Variants in KCTD8 observed in about 807,000 individuals in gnomAD.
The protein encoded by KCTD8 is BTB/POZ domain-containing protein KCTD8.
In KCTD8, 27 loss-of-function variants were observed where a neutral mutation model predicts 31.5. The observed-to-expected ratio is 0.86, with a 90% CI of 0.63 to 1.18. KCTD8 has a LOEUF of 1.18. Among genes scored for constraint, KCTD8 ranks in the 50% most tolerant of loss-of-function variants. KCTD8 has a pLI of 0.00. For missense variants in KCTD8, 658 were observed against 647.7 expected, an observed-to-expected ratio of 1.02 and a Z score of -0.17; for synonymous variants, 290 against 280.0, an observed-to-expected ratio of 1.04 and a Z score of -0.36.
At chr4:44,348,470 A>C (rs1312016006) in intron 1 of KCTD8, among the ~76,000 whole-genome samples, 1 of 152,170 alleles carries the variant, frequency 6.6e-6, no homozygotes, top group Non-Finnish European at 1.5e-5. Context: ...AGAATCTCAA[A>C]GAAAGATGCA....
At chr4:44,369,271 G>T (rs932472721) in intron 1 of KCTD8, among the ~76,000 whole-genome samples, 1 of 152,010 alleles carries the variant, frequency 6.6e-6, no homozygotes, top group Non-Finnish European at 1.5e-5. Context: ...TCATGGTTAG[G>T]GTTCTAGAAA....
intron 1 of KCTD8, among the ~76,000 whole-genome samples, chr4:44,420,907 G>C (rs921858965): frequency 1.3e-5 from 2 of 151,910 alleles, no homozygotes; most frequent in Admixed American, 6.6e-5. Flanking sequence ...GTTTAAAATA[G>C]AGTAGGGTTA....
At chr4:44,224,938 C>A (rs1714912395) in intron 1 of KCTD8, among the ~76,000 whole-genome samples, 1 of 152,132 alleles carries the variant, frequency 6.6e-6, no homozygotes, top group African/African-American at 2.4e-5. Context: ...AAGGAGGTCA[C>A]ACTCATTGCT....
chr4:44,228,248 C>T (rs1276749073), intron 1 of KCTD8, among the ~76,000 whole-genome samples: 4 of 152,168 alleles, frequency 2.6e-5, no homozygotes, highest in African/African-American at 7.2e-5. Context: ...TCTGAGGCTT[C>T]TCTCCTTGGC....
rs143865396 is a variant in KCTD8, at chr4:44,363,565, C to A, written c.961+83998G>T. On this transcript the variant is annotated intron_variant, in intron 1 of 1. Transcript: ENST00000360029. ...TAGAAAATAGAATTTCTCCTCTAGG[C>A]ACATTTGTAATTTTGCACCAACTTG... 2.3e-3 allele frequency among the ~76,000 whole-genome samples: 353 copies of A among 152,248 alleles called. 1 individual carries two copies. Among genetic ancestry groups the A allele is most frequent in the Middle Eastern group, 3.4e-3 (1 of 294 alleles).
intron 1 of KCTD8, among the ~76,000 whole-genome samples, chr4:44,441,217 G>T (rs1162057878): frequency 6.7e-6 from 1 of 149,618 alleles, no homozygotes; most frequent in Admixed American, 6.7e-5. Flanking sequence ...AACCTCTGGT[G>T]GTGCAGACTC....
rs1333327018 is a variant in KCTD8 at position 44,224,732 on chromosome 4, C to T, written c.962-49482G>A. Among the ~76,000 whole-genome samples, 3 of 152,154 alleles carry T rather than the reference C, an allele frequency of 2.0e-5. No individual in the cohort carries two copies. The East Asian group carries it at 5.8e-4, about 29-fold the overall frequency. Reference sequence around the variant, plus strand: ...ATATAATAAAAATATATTTCTTGTCCACATAATAGTTCATTGCAGCTACTC... The same window carrying T: ...ATATAATAAAAATATATTTCTTGTCTACATAATAGTTCATTGCAGCTACTC... On this transcript the variant is annotated intron_variant, in intron 1 of 1. Transcript: ENST00000360029.
intron 1 of KCTD8, among the ~76,000 whole-genome samples, chr4:44,430,203 T>C (rs973511235): frequency 9.9e-5 from 15 of 151,656 alleles, no homozygotes; most frequent in African/African-American, 2.7e-4. Context: ...CTCAAATGGT[T>C]CTAGGCTGGT....
chr4:44,342,304 G>C (rs1718922465), intron 1 of KCTD8, among the ~76,000 whole-genome samples: 1 of 147,542 alleles, frequency 6.8e-6, no homozygotes, highest in Non-Finnish European at 1.5e-5. Flanking sequence ...AGGAGGCGGA[G>C]ATTGCAGTGA....
chr4:44,318,204 A>C (rs1162734285), intron 1 of KCTD8, among the ~76,000 whole-genome samples: 3 of 152,218 alleles, frequency 2.0e-5, no homozygotes, highest in Non-Finnish European at 4.4e-5. Flanking sequence ...TATGTTTATT[A>C]TCATTGTAAT....
rs767468874 is a variant in KCTD8 at position 44,447,672 on chromosome 4, G to C, written c.852C>G (p.Ser284=). 3 of 1,612,414 alleles carry C rather than the reference G, an allele frequency of 1.9e-6. No individual in the cohort carries two copies. Among genetic ancestry groups the C allele is most frequent in the East Asian group, 4.5e-5 (2 of 44,772 alleles). ...ACGCCACCATGTGGAAGCCGGCCTCGGACAGGCGATCAAAGGCCTGCTCCA... is the reference window on the plus strand; with the variant it reads ...ACGCCACCATGTGGAAGCCGGCCTCCGACAGGCGATCAAAGGCCTGCTCCA... The part of the protein sequence containing the change: ...TYLEQAFDRL[S]EAGFHMVACN... The change falls in exon 1 of 2, where the codon TCC becomes TCG. Residue 284 remains serine, a synonymous_variant. Transcript: ENST00000360029.
intron 1 of KCTD8, among the ~76,000 whole-genome samples, chr4:44,350,402 CAT>C (rs1719166829): frequency 6.6e-6 from 1 of 152,142 alleles, no homozygotes. Context: ...TGAACTGTCA[CAT>C]GTTCTTTTTA....
intron 1 of KCTD8, among the ~76,000 whole-genome samples, chr4:44,224,713 T>TA (rs902036131): frequency 1.2e-3 from 185 of 152,326 alleles, no homozygotes; most frequent in African/African-American, 4.0e-3. Flanking sequence ...CTTAATATAA[T>TA]AAAAATATAT....
chr4:44,324,550 G>A (rs1442209491), intron 1 of KCTD8, among the ~76,000 whole-genome samples: 1 of 151,938 alleles, frequency 6.6e-6, no homozygotes, highest in African/African-American at 2.4e-5. Context: ...CAGCACAGTC[G>A]TAAAACATTG....
intron 1 of KCTD8, among the ~76,000 whole-genome samples, chr4:44,382,099 G>A (rs1720079815): frequency 6.6e-6 from 1 of 151,978 alleles, no homozygotes; most frequent in South Asian, 2.1e-4. Context: ...AGTTTTAAAT[G>A]GAGGAACAGA....
chr4:44,394,724 C>G (rs1720453843), intron 1 of KCTD8, among the ~76,000 whole-genome samples: 1 of 152,062 alleles, frequency 6.6e-6, no homozygotes, highest in African/African-American at 2.4e-5. Context: ...GCTTACAACT[C>G]TAAACCAGAC....
chr4:44,413,665 T>C (rs575458450), intron 1 of KCTD8, among the ~76,000 whole-genome samples: 22 of 152,308 alleles, frequency 1.4e-4, no homozygotes, highest in East Asian at 5.8e-4. Context: ...ACAGTATTAC[T>C]ATATCCAAAG....
At chr4:44,392,171 A>C (rs1405520255) in intron 1 of KCTD8, among the ~76,000 whole-genome samples, 1 of 151,930 alleles carries the variant, frequency 6.6e-6, no homozygotes, top group Non-Finnish European at 1.5e-5. Flanking sequence ...AACTAGGTTT[A>C]TAGGTTTTTA....
At chr4:44,274,889 T>C (rs188352947) in intron 1 of KCTD8, among the ~76,000 whole-genome samples, 47 of 152,034 alleles carry the variant, frequency 3.1e-4, no homozygotes, top group Admixed American at 2.6e-3. Flanking sequence ...ACTTAGAGAC[T>C]AGAATGTGGT....
Sources: gnomAD v4.1 joint callset for allele counts (sites outside exome capture counted in the v4.1 genomes callset) on GRCh38, gnomAD v4.1.1 for gene constraint, MANE v1.5 for transcripts, NCBI Gene and HGNC (gene_info 2026-07-23, HGNC 2026-07-21) for gene names.